TENM3: variants seen among roughly 807,000 people sequenced by gnomAD.
TENM3 encodes teneurin transmembrane protein 3, also known as teneurin-3.
In TENM3, 63 loss-of-function variants were observed where a neutral mutation model predicts 255.1. That is an observed-to-expected ratio of 0.25 (90% CI 0.20 to 0.30). The LOEUF is 0.30. Among genes scored for constraint, TENM3 ranks in the 10% least tolerant of loss-of-function variants. The probability of loss-of-function intolerance (pLI) is 1.00; values close to 1 mark genes in which losing one functional copy is unlikely to be tolerated. For synonymous variants in TENM3, 1,306 were observed against 1,322.3 expected, an observed-to-expected ratio of 0.99 and a Z score of 0.27; for missense variants, 2,929 against 3,461.1, an observed-to-expected ratio of 0.85 and a Z score of 3.86.
intron 4 of TENM3, among the ~76,000 whole-genome samples, chr4:182,603,555 C>A (rs1748102243): frequency 6.6e-6 from 1 of 152,002 alleles, no homozygotes; most frequent in Non-Finnish European, 1.5e-5. Flanking sequence ...CACAGTACTA[C>A]TGTGGTTTCT....
intron 22 of TENM3, among the ~76,000 whole-genome samples, chr4:182,767,079 T>G (rs1763780018): frequency 6.6e-6 from 1 of 152,202 alleles, no homozygotes. Context: ...TCTGTTTCCC[T>G]TGGTGATAGA....
intron 3 of TENM3, among the ~76,000 whole-genome samples, chr4:182,404,603 A>G (rs757046247): frequency 1.2e-4 from 18 of 152,246 alleles, no homozygotes; most frequent in Non-Finnish European, 2.5e-4. Flanking sequence ...GTGTGCAGGC[A>G]GCAGAGCCAG....
At chr4:182,325,577 A>G (rs1474910636) in intron 2 of TENM3, among the ~76,000 whole-genome samples, 3 of 152,102 alleles carry the variant, frequency 2.0e-5, no homozygotes, top group Non-Finnish European at 2.9e-5. Context: ...GTAATTTTAA[A>G]CCCATTTTTT....
intron 3 of TENM3, 107 bp from the exon 4 acceptor site, chr4:182,600,817 A>G: frequency 1.2e-4 from 55 of 464,464 alleles, no homozygotes; most frequent in Non-Finnish European, 1.6e-4. Flanking sequence ...TGCAGTTTTT[A>G]ATTCTAATTC....
At chr4:182,217,398 A>G (rs961503810) in intron 1 of TENM3, among the ~76,000 whole-genome samples, 2 of 152,206 alleles carry the variant, frequency 1.3e-5, no homozygotes, top group Non-Finnish European at 2.9e-5. Context: ...CAAAGATAAT[A>G]AAGTGCCTGA....
chr4:181,729,146 T>G, the TENM3 span, among the ~76,000 whole-genome samples: 2 of 152,214 alleles, frequency 1.3e-5, no homozygotes, highest in Non-Finnish European at 2.9e-5. Flanking sequence ...ACAGATATAA[T>G]TCTGTACATA....
At chr4:181,680,743 TATGAGATATTGCCATTACTC>T in the TENM3 span, among the ~76,000 whole-genome samples, 1 of 152,152 alleles carries the variant, frequency 6.6e-6, no homozygotes. Flanking sequence ...CAGTGCTAGA[TATGAGATATTGCCATTACTC>T]AAGTCAATCC....
the TENM3 span, among the ~76,000 whole-genome samples, chr4:181,861,714 T>A: frequency 6.6e-6 from 1 of 152,318 alleles, no homozygotes; most frequent in Admixed American, 6.5e-5. Context: ...TTTGGTTAGC[T>A]CCGTGATGGT....
chr4:182,437,951 CAAAT>C (rs200677040), intron 3 of TENM3, among the ~76,000 whole-genome samples: 10 of 151,814 alleles, frequency 6.6e-5, no homozygotes, highest in Admixed American at 3.3e-4. Context: ...GATCCTGTCT[CAAAT>C]AAATAAATAA....
chr4:182,766,322 C>T (rs1442536602), intron 22 of TENM3, among the ~76,000 whole-genome samples: 17 of 151,804 alleles, frequency 1.1e-4, no homozygotes, highest in Non-Finnish European at 2.5e-4. Context: ...GATAGCTAAA[C>T]AAATAAGCTG....
chr4:181,639,310 A>G, the TENM3 span, among the ~76,000 whole-genome samples: 1 of 152,322 alleles, frequency 6.6e-6, no homozygotes, highest in East Asian at 1.9e-4. Flanking sequence ...TTTCTTTTGT[A>G]TGAATGCATC....
chr4:182,018,378 GAA>G, the TENM3 span, among the ~76,000 whole-genome samples: 1,098 of 149,298 alleles, frequency 7.4e-3, 13 homozygotes, highest in African/African-American at 0.025. Context: ...AATGGAAGAA[GAA>G]AAAAAAAAAT....
At chr4:182,478,117 C>T (rs73872409) in intron 3 of TENM3, among the ~76,000 whole-genome samples, 3,172 of 152,028 alleles carry the variant, frequency 0.021, 112 homozygotes, top group African/African-American at 0.071. Flanking sequence ...TTGCACTTTT[C>T]TTTAGAATTT....
intron 15 of TENM3, among the ~76,000 whole-genome samples, 167 bp from the exon 16 acceptor site, chr4:182,730,711 A>G (rs1760625012): frequency 6.6e-6 from 1 of 152,264 alleles, no homozygotes; most frequent in Non-Finnish European, 1.5e-5. Flanking sequence ...ACACAAGAGT[A>G]TTTATTGTAT....
the TENM3 span, among the ~76,000 whole-genome samples, chr4:181,829,067 G>A: frequency 1.3e-5 from 2 of 152,200 alleles, no homozygotes; most frequent in Non-Finnish European, 2.9e-5. Context: ...AGGGGAGACA[G>A]TACTTTAAAT....
At chr4:182,641,369 T>C (rs1030901597) in intron 5 of TENM3, among the ~76,000 whole-genome samples, 1 of 152,234 alleles carries the variant, frequency 6.6e-6, no homozygotes, top group Non-Finnish European at 1.5e-5. Flanking sequence ...CTTTCAGTAA[T>C]GGTGATTACA....
At chr4:182,603,784 T>TATATATATATATATATATATATACAC (rs58332965) in intron 4 of TENM3, among the ~76,000 whole-genome samples, 77 of 134,154 alleles carry the variant, frequency 5.7e-4, no homozygotes, top group East Asian at 1.9e-3. Context: ...TATATATATA[T>TATATATATATATATATATATATACAC]ACACACACAC....
chr4:182,682,372 G>C (rs1189774908), intron 11 of TENM3, among the ~76,000 whole-genome samples: 2 of 151,992 alleles, frequency 1.3e-5, no homozygotes, highest in Non-Finnish European at 2.9e-5. Flanking sequence ...AACAGGGAAG[G>C]CTCAATTTAA....
intron 5 of TENM3, among the ~76,000 whole-genome samples, chr4:182,647,517 C>A (rs1453376824): frequency 6.6e-6 from 1 of 152,114 alleles, no homozygotes; most frequent in Non-Finnish European, 1.5e-5. Context: ...ACGTGAAGTC[C>A]TCAAGGTTTG....
Sources: gnomAD v4.1 joint callset for allele counts (sites outside exome capture counted in the v4.1 genomes callset) on GRCh38, gnomAD v4.1.1 for gene constraint, MANE v1.5 for transcripts, NCBI Gene and HGNC (gene_info 2026-07-23, HGNC 2026-07-21) for gene names.